EEFSEC: variants seen among roughly 807,000 people sequenced by gnomAD.
EEFSEC encodes the protein eukaryotic elongation factor, selenocysteine-tRNA specific, also known as selenocysteine-specific elongation factor.
Under a neutral mutation model 42.1 loss-of-function variants are expected in EEFSEC, and 43 were observed. The ratio of observed to expected loss-of-function variants is 1.02; its 90% confidence interval spans 0.80 to 1.32. The LOEUF (loss-of-function observed/expected upper bound fraction) is 1.32. Among genes scored for constraint, EEFSEC ranks in the 40% most tolerant of loss-of-function variants. The pLI, the probability that EEFSEC is intolerant of heterozygous loss-of-function variation, is 0.00. For missense variants in EEFSEC, 745 were observed against 803.6 expected (o/e 0.93, Z 0.88); for synonymous variants, 354 against 339.1 (o/e 1.04, Z -0.48).
intron 4 of EEFSEC, among the ~76,000 whole-genome samples, chr3:128,305,572 G>C (rs914643247): frequency 1.3e-5 from 2 of 151,716 alleles, no homozygotes; most frequent in Admixed American, 1.3e-4. Context: ...TCTCTGCCAG[G>C]GATAATTTTG....
At chr3:128,416,728 T>C in the EEFSEC span, among the ~76,000 whole-genome samples, 2 of 152,176 alleles carry the variant, frequency 1.3e-5, no homozygotes, top group Admixed American at 1.3e-4. Context: ...CTGGACAGCA[T>C]GAACTTGAAG....
chr3:128,285,598 G>A (rs1022894764), intron 4 of EEFSEC, among the ~76,000 whole-genome samples: 2 of 152,114 alleles, frequency 1.3e-5, no homozygotes, highest in African/African-American at 2.4e-5. Flanking sequence ...CTCTGTGTTT[G>A]GGTCTACCCT....
chr3:128,269,042 C>T (rs1015038520), intron 4 of EEFSEC, among the ~76,000 whole-genome samples: 1 of 152,204 alleles, frequency 6.6e-6, no homozygotes, highest in African/African-American at 2.4e-5. Flanking sequence ...CCCTGCTCAC[C>T]ATCTTGGGCT....
chr3:128,184,650 C>G lies in EEFSEC; in HGVS notation c.316+30827C>G, dbSNP rs185504634. Among the ~76,000 whole-genome samples the G allele has an allele frequency of 2.0e-3, 307 of 152,218 alleles. 1 individual carries two copies. The highest frequency in any genetic ancestry group is 7.2e-3 in the African/African-American group (300 of 41,538). ...TTGCTTTGGCTTAACGTGTATTTTT[C>G]AAGTTATTACTTAAATTTTGTGAGT... On this transcript the variant is annotated intron_variant, in intron 1 of 6. Transcript: ENST00000254730.
chr3:128,301,885 AC>A (rs1403234549), intron 4 of EEFSEC, among the ~76,000 whole-genome samples: 1 of 151,946 alleles, frequency 6.6e-6, no homozygotes, highest in African/African-American at 2.4e-5. Flanking sequence ...TCAGTGGAAG[AC>A]CCCACTGGGA....
chr3:128,198,361 G>T (rs1164000783), intron 1 of EEFSEC, among the ~76,000 whole-genome samples: 1 of 152,212 alleles, frequency 6.6e-6, no homozygotes, highest in Admixed American at 6.5e-5. Context: ...TTCCTGAGAA[G>T]TAGTTCTTGT....
chr3:128,418,619 AC>A, the EEFSEC span, among the ~76,000 whole-genome samples: 1 of 129,934 alleles, frequency 7.7e-6, no homozygotes, highest in African/African-American at 3.0e-5. Flanking sequence ...TCTGCCCAGC[AC>A]CCCCTACTCT....
intron 6 of EEFSEC, among the ~76,000 whole-genome samples, chr3:128,379,619 T>A (rs980826684): frequency 2.6e-5 from 4 of 152,226 alleles, no homozygotes; most frequent in Non-Finnish European, 5.9e-5. Flanking sequence ...GCCAGGGCCT[T>A]CACTGTGGCT....
chr3:128,382,882 G>C (rs1409371059), intron 6 of EEFSEC, among the ~76,000 whole-genome samples: 1 of 152,202 alleles, frequency 6.6e-6, no homozygotes, highest in African/African-American at 2.4e-5. Context: ...CCTGACCCTG[G>C]CGGGAAATTC....
chr3:128,418,482 C>T, the EEFSEC span, among the ~76,000 whole-genome samples: 3 of 152,004 alleles, frequency 2.0e-5, no homozygotes, highest in African/African-American at 7.3e-5. Flanking sequence ...TGACCTTCCC[C>T]CATTCTGCTG....
chr3:128,331,739 A>C (rs2067135977), intron 4 of EEFSEC, among the ~76,000 whole-genome samples: 1 of 152,174 alleles, frequency 6.6e-6, no homozygotes, highest in African/African-American at 2.4e-5. Context: ...CTGCACACTA[A>C]GATAGCAATG....
At chr3:128,196,950 C>T (rs998758446) in intron 1 of EEFSEC, among the ~76,000 whole-genome samples, 4 of 152,176 alleles carry the variant, frequency 2.6e-5, no homozygotes, top group African/African-American at 9.7e-5. Context: ...TTTGGATGCT[C>T]GCAGTATGTT....
chr3:128,203,601 G>A (rs1372699317), intron 1 of EEFSEC, among the ~76,000 whole-genome samples: 1 of 152,238 alleles, frequency 6.6e-6, no homozygotes, highest in Non-Finnish European at 1.5e-5. Context: ...GGTGACATGA[G>A]TAGGGGCAGA....
At chr3:128,327,024 C>G (rs1045968712) in intron 4 of EEFSEC, among the ~76,000 whole-genome samples, 1 of 152,154 alleles carries the variant, frequency 6.6e-6, no homozygotes, top group African/African-American at 2.4e-5. Context: ...TCTGGCCATG[C>G]CCCACATGGA....
intron 6 of EEFSEC, among the ~76,000 whole-genome samples, chr3:128,392,721 C>T (rs1297424877): frequency 1.3e-5 from 2 of 152,224 alleles, no homozygotes; most frequent in Non-Finnish European, 2.9e-5. Flanking sequence ...ACCACTCCCG[C>T]CTCACCCCTG....
At chr3:128,425,071 C>G in the EEFSEC span, among the ~76,000 whole-genome samples, 1 of 152,162 alleles carries the variant, frequency 6.6e-6, no homozygotes, top group Non-Finnish European at 1.5e-5. Flanking sequence ...AAAATCACCC[C>G]TTTAAACATG....
intron 1 of EEFSEC, among the ~76,000 whole-genome samples, chr3:128,185,500 C>T (rs2065456689): frequency 2.0e-5 from 3 of 151,578 alleles, no homozygotes; most frequent in South Asian, 2.1e-4. Context: ...AGTGCAATGA[C>T]GTGAATTAAA....
At position 128,264,632 on chromosome 3, in the gene EEFSEC, A is replaced by T; in HGVS notation, c.637A>T (p.Ile213Phe). 1 of 1,613,656 alleles carries T rather than the reference A, an allele frequency of 6.2e-7. No homozygotes were observed. Among genetic ancestry groups the T allele is most frequent in the Non-Finnish European group, 8.5e-7 (1 of 1,179,838 alleles). The change falls in exon 4 of 7, where the codon ATT (isoleucine) becomes TTT (phenylalanine). Residue 213 changes from isoleucine to phenylalanine, a missense_variant. Ile to Phe is a conservative substitution (Grantham distance 21). Coordinates refer to ENST00000254730, the MANE Select transcript of EEFSEC (RefSeq NM_021937.5). ...PELIELLTSQ[I>F]SIPTRDPSGP... ...TCTTTTCTAGCTCCTGACGTCCCAGATTTCCATCCCAACGAGAGATCCCTC... is the reference window on the plus strand; with the variant it reads ...TCTTTTCTAGCTCCTGACGTCCCAGTTTTCCATCCCAACGAGAGATCCCTC...
At chr3:128,314,366 C>G (rs1333209736) in intron 4 of EEFSEC, among the ~76,000 whole-genome samples, 1 of 152,002 alleles carries the variant, frequency 6.6e-6, no homozygotes, top group African/African-American at 2.4e-5. Flanking sequence ...TTTTTTGAGA[C>G]AGAGTCTTAC....
Sources: gnomAD v4.1 joint callset for allele counts (sites outside exome capture counted in the v4.1 genomes callset) on GRCh38, gnomAD v4.1.1 for gene constraint, MANE v1.5 for transcripts, NCBI Gene and HGNC (gene_info 2026-07-23, HGNC 2026-07-21) for gene names.